The following TMEM44 variants were observed in gnomAD, a reference collection of about 807,000 sequenced individuals.
The protein encoded by TMEM44 is transmembrane protein 44.
In TMEM44, 43 loss-of-function variants were observed where a neutral mutation model predicts 47.8. The observed-to-expected ratio is 0.90, with a 90% CI of 0.70 to 1.16. The LOEUF (loss-of-function observed/expected upper bound fraction) is 1.16. TMEM44 is among the 50% of genes most tolerant of loss of function. The probability of loss-of-function intolerance (pLI) is 0.00; values close to 1 mark genes in which losing one functional copy is unlikely to be tolerated. For missense variants in TMEM44, 568 were observed against 555.2 expected (o/e 1.02, Z -0.23); for synonymous variants, 277 against 238.8 (o/e 1.16, Z -1.48).
chr3:194,610,207 T>C (rs1483432191), intron 8 of TMEM44, among the ~76,000 whole-genome samples: 1 of 148,782 alleles, frequency 6.7e-6, no homozygotes, highest in East Asian at 2.0e-4. Context: ...GGCGACAGAG[T>C]GTCTCAAAAA....
chr3:194,589,501 G>C (rs1047027970), intron 9 of TMEM44: 4 of 152,150 alleles, frequency 2.6e-5, no homozygotes, highest in African/African-American at 9.7e-5. Context: ...CGGGAACAGA[G>C]CAAACGTTCG....
In TMEM44 at chr3:194,617,573, T is replaced by C. The variant is rs1577204582; in HGVS notation, c.613-304A>G. The stretch of plus-strand genomic sequence containing the variant: ...CATCCCTCCAGCGGAGTACCTTTGA[T>C]TGATCATGACTCAGCTCTTTACACA... On this transcript the variant is annotated intron_variant, in intron 5 of 9. Transcript: ENST00000347147. 22 of 674,270 alleles carry C rather than the reference T, an allele frequency of 3.3e-5. No homozygotes were observed. The East Asian group carries it at 5.4e-4, about 17-fold the overall frequency. 41.8% of individuals were successfully genotyped at this position (674,270 alleles called of 1,614,324 possible). A position where few individuals can be genotyped will look rare whatever the true frequency, so the allele number is the denominator to read the frequency against.
rs143564151 is a variant in TMEM44 at position 194,628,404 on chromosome 3, C to T, written c.243G>A (p.Leu81=). ...TSLCDTVGAL[L]ARQLTIQVFT... is the part of the protein sequence containing the mutation. ...ATACCTGGATTGTGAGCTGTCTGGCCAGAAGAGCCCCGACGGTGTCACACA... is the reference window on the plus strand; with the variant it reads ...ATACCTGGATTGTGAGCTGTCTGGCTAGAAGAGCCCCGACGGTGTCACACA... Residue 81 remains leucine, a synonymous_variant, in exon 2 of 10, where the codon CTG becomes CTA. Transcript: ENST00000347147. 3.6e-4 allele frequency: 586 copies of T among 1,612,048 alleles called. 3 individuals are homozygous for T. In the African/African-American group the frequency reaches 6.5e-3, roughly 18 times the overall value.
At chr3:194,610,880 C>A in intron 8 of TMEM44, 36 bp downstream of exon 8, 1 of 1,584,100 alleles carries the variant, frequency 6.3e-7, no homozygotes, top group African/African-American at 1.3e-5. Flanking sequence ...GCTTCCCATC[C>A]TCTCAGACAC....
intron 5 of TMEM44, among the ~76,000 whole-genome samples, chr3:194,619,909 C>T (rs146582257): frequency 3.3e-5 from 5 of 152,266 alleles, no homozygotes; most frequent in African/African-American, 9.6e-5. Flanking sequence ...GATGAGGAGA[C>T]GACTACCTCC....
At chr3:194,610,486 G>C (rs1005084424) in intron 8 of TMEM44, among the ~76,000 whole-genome samples, 12 of 152,112 alleles carry the variant, frequency 7.9e-5, no homozygotes, top group Middle Eastern at 3.2e-3. Flanking sequence ...TTCTGCACCA[G>C]GAAGAGAGCT....
chr3:194,606,819 G>A (rs1050019689), intron 8 of TMEM44, among the ~76,000 whole-genome samples: 6 of 151,782 alleles, frequency 4.0e-5, no homozygotes, highest in African/African-American at 1.5e-4. Flanking sequence ...GGTGGCATAT[G>A]CCCATAGTCT....
At chr3:194,617,894 G>A in intron 5 of TMEM44, 1 of 607,544 alleles carries the variant, frequency 1.6e-6, no homozygotes, top group South Asian at 1.9e-5. Flanking sequence ...GTTCAAAAAT[G>A]TGTGTGTGGC....
rs1716809255 is a variant in TMEM44, at chr3:194,623,538, G to C, written c.516C>G (p.Ser172Arg). The C allele has an allele frequency of 6.3e-7, 1 of 1,590,872 alleles. No individual in the cohort carries two copies. The highest frequency in any genetic ancestry group is 8.5e-7 in the Non-Finnish European group (1 of 1,170,302). The stretch of plus-strand genomic sequence containing the variant: ...GGTGGCCCAGCCTCACCTGCAGCAG[G>C]CTCGCTAGCAGCCTCCGCTGTGGCC... ...IRGPQRRLLA[S>R]LLQENTEILG... The change falls in exon 4 of 10, where the codon AGC (serine) becomes AGG (arginine). Residue 172 changes from serine to arginine, a missense_variant. By Grantham distance (110) the Ser-to-Arg change is moderately radical (BLOSUM62 -1). Coordinates refer to ENST00000347147, the MANE Select transcript of TMEM44 (RefSeq NM_001011655.3).
At chr3:194,612,864 C>CCG (rs879526419) in intron 7 of TMEM44, among the ~76,000 whole-genome samples, 1,536 of 151,264 alleles carry the variant, frequency 0.01, 10 homozygotes, top group Middle Eastern at 0.02. Context: ...CGGGGTTTCA[C>CCG]TGTGGTCTCG....
At chr3:194,604,530 G>C in intron 8 of TMEM44, 85 bp from the exon 9 acceptor site, 1 of 1,431,930 alleles carries the variant, frequency 7.0e-7, no homozygotes, top group African/African-American at 1.4e-5. Context: ...ATACTTCAGT[G>C]TTCAAAATGT....
chr3:194,604,564 T>G (rs1420385078), intron 8 of TMEM44, 119 bp from the exon 9 acceptor site: 1 of 1,309,588 alleles, frequency 7.6e-7, no homozygotes, highest in Non-Finnish European at 1.0e-6. Context: ...CAGGGCAGCA[T>G]CTACCTGTGC....
intron 9 of TMEM44, among the ~76,000 whole-genome samples, chr3:194,590,412 G>A (rs192081458): frequency 5.3e-5 from 8 of 152,294 alleles, no homozygotes; most frequent in Admixed American, 4.6e-4. Context: ...TGAGAACATC[G>A]CATTAACTTG....
chr3:194,601,465 T>A (rs1023190495), intron 9 of TMEM44, among the ~76,000 whole-genome samples: 34 of 152,232 alleles, frequency 2.2e-4, no homozygotes, highest in African/African-American at 8.2e-4. Flanking sequence ...CCACCACGCC[T>A]GGCTAATTTT....
At position 194,617,087 on chromosome 3, in the gene TMEM44, TG is replaced by T; in HGVS notation, c.783+11del. 4 of 1,497,196 alleles carry T rather than the reference TG, an allele frequency of 2.7e-6. No individual in the cohort carries two copies. The highest frequency in any genetic ancestry group is 3.6e-6 in the Non-Finnish European group (4 of 1,119,522). The allele number at this position is 1,497,196 out of a possible 1,614,324, so 92.7% of individuals were successfully genotyped here. On this transcript the variant is annotated intron_variant, in intron 6 of 9. Transcript: ENST00000347147. ...CTGCAAGCAGGGAGCTCCCCAGGCCTGGGGTGGATACAGCGAGGTCCAGTGC... is the reference window on the plus strand; with the variant it reads ...CTGCAAGCAGGGAGCTCCCCAGGCCTGGGTGGATACAGCGAGGTCCAGTGC...
chr3:194,593,572 A>T (rs1453194230), intron 9 of TMEM44, among the ~76,000 whole-genome samples: 1 of 152,022 alleles, frequency 6.6e-6, no homozygotes, highest in Non-Finnish European at 1.5e-5. Context: ...AATATGTCTG[A>T]CTCAAGTTCT....
chr3:194,615,730 A>G, intron 6 of TMEM44, 33 bp from the exon 7 acceptor site: 1 of 1,610,906 alleles, frequency 6.2e-7, no homozygotes, highest in Non-Finnish European at 8.5e-7. Context: ...AGGAAGCAGA[A>G]TATTCCAGCT....
At chr3:194,628,582 C>A in intron 1 of TMEM44, 73 bp from the exon 2 acceptor site, 3 of 1,495,928 alleles carry the variant, frequency 2.0e-6, no homozygotes, top group Middle Eastern at 1.8e-4. Flanking sequence ...CTAAAAAGGG[C>A]AACTGTGACC....
chr3:194,622,476 C>T (rs185183413), intron 5 of TMEM44: 2 of 152,246 alleles, frequency 1.3e-5, no homozygotes, highest in Admixed American at 6.6e-5. Flanking sequence ...ACATCTTACC[C>T]CCCCCAGCAC....
Sources: gnomAD v4.1 joint callset for allele counts (sites outside exome capture counted in the v4.1 genomes callset) on GRCh38, gnomAD v4.1.1 for gene constraint, MANE v1.5 for transcripts, NCBI Gene and HGNC (gene_info 2026-07-23, HGNC 2026-07-21) for gene names.